CAPS2: variants seen among roughly 807,000 people sequenced by gnomAD.
CAPS2 encodes the protein calcyphosin-2.
A neutral mutation model predicts 86.5 loss-of-function variants in CAPS2; 98 were observed. The observed-to-expected ratio is 1.13, with a 90% confidence interval of 0.96 to 1.34. The LOEUF (loss-of-function observed/expected upper bound fraction) is 1.34, where lower values mean the gene tolerates loss of function less well. Among genes scored for constraint, CAPS2 ranks in the 40% most tolerant of loss-of-function variants. The probability of loss-of-function intolerance (pLI) is 0.00; values close to 1 mark genes in which losing one functional copy is unlikely to be tolerated. For synonymous variants in CAPS2, 210 were observed against 225.1 expected, an observed-to-expected ratio of 0.93 and a Z score of 0.60; for missense variants, 729 against 686.8, an observed-to-expected ratio of 1.06 and a Z score of -0.69.
intron 16 of CAPS2, among the ~76,000 whole-genome samples, chr12:75,280,416 C>A (rs1480521249): frequency 6.6e-6 from 1 of 151,394 alleles, no homozygotes; most frequent in African/African-American, 2.4e-5. Context: ...TTAATATGAA[C>A]GCAAAGACAA....
chr12:75,330,358 G>C (rs1471916267), upstream of CAPS2, among the ~76,000 whole-genome samples: 1 of 152,226 alleles, frequency 6.6e-6, no homozygotes, highest in African/African-American at 2.4e-5. Flanking sequence ...CGAGGAGCCG[G>C]AGCGGACTCA....
upstream of CAPS2, chr12:75,334,770 T>C (rs1481490392): frequency 6.2e-7 from 1 of 1,614,122 alleles, no homozygotes; most frequent in South Asian, 1.1e-5. Context: ...GGATCTTGGG[T>C]CTGTGTTTGG....
intron 11 of CAPS2, among the ~76,000 whole-genome samples, chr12:75,296,539 C>G (rs1022818305): frequency 2.6e-5 from 4 of 152,158 alleles, no homozygotes; most frequent in African/African-American, 9.6e-5. Context: ...TGATCTGCCC[C>G]CCTCGGCCTC....
intron 6 of CAPS2, among the ~76,000 whole-genome samples, chr12:75,313,331 T>C (rs1376867834): frequency 6.6e-6 from 1 of 152,144 alleles, no homozygotes; most frequent in African/African-American, 2.4e-5. Context: ...CTAACACTAT[T>C]CATAGCAAAA....
intron 1 of CAPS2, among the ~76,000 whole-genome samples, chr12:75,382,655 A>T (rs1402768527): frequency 6.6e-6 from 1 of 152,082 alleles, no homozygotes; most frequent in African/African-American, 2.4e-5. Flanking sequence ...AAAAAAGAAG[A>T]AGAATTTTAA....
upstream of CAPS2, among the ~76,000 whole-genome samples, chr12:75,327,002 A>C (rs2040844386): frequency 6.6e-6 from 1 of 152,188 alleles, no homozygotes; most frequent in African/African-American, 2.4e-5. Context: ...TGAAGGCAGA[A>C]GAGGCAAGGA....
At chr12:75,289,453 A>G (rs1352667380) in intron 14 of CAPS2, among the ~76,000 whole-genome samples, 168 bp downstream of exon 14, 5 of 152,242 alleles carry the variant, frequency 3.3e-5, no homozygotes, top group Non-Finnish European at 7.3e-5. Flanking sequence ...GGATGGAGCA[A>G]TGTTTAAACT....
chr12:75,298,416 T>C (rs2037259498), intron 11 of CAPS2: 2 of 417,950 alleles, frequency 4.8e-6, no homozygotes. Context: ...AGTACGAAGA[T>C]ACAACTTCAT....
intron 1 of CAPS2, among the ~76,000 whole-genome samples, chr12:75,358,390 G>A (rs910393739): frequency 6.6e-6 from 1 of 151,630 alleles, no homozygotes; most frequent in African/African-American, 2.4e-5. Context: ...TCTAAGAGGG[G>A]TATATTCCAG....
At chr12:75,297,832 T>C (rs1375763919) in intron 11 of CAPS2, among the ~76,000 whole-genome samples, 3 of 152,148 alleles carry the variant, frequency 2.0e-5, no homozygotes, top group Non-Finnish European at 4.4e-5. Flanking sequence ...TGGAAGCTTT[T>C]CCCCACCCTA....
chr12:75,382,732 C>T (rs961814125), intron 1 of CAPS2, among the ~76,000 whole-genome samples: 41 of 152,168 alleles, frequency 2.7e-4, no homozygotes, highest in African/African-American at 9.4e-4. Flanking sequence ...CACAAATCAT[C>T]TGAGATAAGC....
upstream of CAPS2, among the ~76,000 whole-genome samples, chr12:75,331,940 G>T (rs763593520): frequency 2.6e-5 from 4 of 152,174 alleles, no homozygotes; most frequent in Non-Finnish European, 5.9e-5. Flanking sequence ...TCCAGAAATA[G>T]ATGTTCAAGA....
At chr12:75,340,396 A>G (rs1565953536) in intron 1 of CAPS2, among the ~76,000 whole-genome samples, 1 of 151,744 alleles carries the variant, frequency 6.6e-6, no homozygotes, top group Non-Finnish European at 1.5e-5. Context: ...TTTAATGCCT[A>G]TAAGAAAAGA....
intron 1 of CAPS2, among the ~76,000 whole-genome samples, chr12:75,380,871 C>T (rs2044925469): frequency 2.0e-5 from 3 of 152,142 alleles, no homozygotes; most frequent in African/African-American, 7.2e-5. Flanking sequence ...GGCTAGGAAT[C>T]TTATTTTCAC....
At chr12:75,291,323 T>C (rs980595581) in intron 13 of CAPS2, among the ~76,000 whole-genome samples, 2 of 151,190 alleles carry the variant, frequency 1.3e-5, no homozygotes, top group African/African-American at 2.4e-5. Flanking sequence ...AAGTATTATA[T>C]TACAAAAATT....
chr12:75,359,355 G>GTTTTTTTTTTTTTTTTT (rs1463566931), intron 1 of CAPS2, among the ~76,000 whole-genome samples: 1 of 46,432 alleles, frequency 2.2e-5, no homozygotes, highest in Non-Finnish European at 4.2e-5. Flanking sequence ...CAGCATTGTT[G>GTTTTTTTTTTTTTTTTT]TCTTTTTTTT....
At chr12:75,284,173 T>C (rs1422089195) in intron 15 of CAPS2, among the ~76,000 whole-genome samples, 10 of 152,200 alleles carry the variant, frequency 6.6e-5, no homozygotes, top group African/African-American at 2.4e-4. Flanking sequence ...AAAGTACGAA[T>C]AAGTACACAT....
intron 14 of CAPS2, among the ~76,000 whole-genome samples, chr12:75,287,643 C>A (rs564517114): frequency 6.6e-6 from 1 of 152,230 alleles, no homozygotes; most frequent in East Asian, 1.9e-4. Context: ...GAGGGTGGCA[C>A]CCAGGGAGGG....
At chr12:75,318,472 T>G (rs2039992366) in intron 5 of CAPS2, among the ~76,000 whole-genome samples, 1 of 152,120 alleles carries the variant, frequency 6.6e-6, no homozygotes, top group African/African-American at 2.4e-5. Context: ...CCAAACTCCC[T>G]TTAACTCTCT....
Sources: allele counts gnomAD v4.1 joint callset (sites outside exome capture counted in the v4.1 genomes callset), GRCh38; gene constraint gnomAD v4.1.1; transcripts MANE v1.5; gene names NCBI Gene and HGNC (gene_info 2026-07-23, HGNC 2026-07-21).